Variants in SP140L observed in about 807,000 individuals in gnomAD.
SP140L encodes the protein SP140 like nuclear body protein.
A neutral mutation model predicts 84.3 loss-of-function variants in SP140L; 64 were observed. That is an observed-to-expected ratio of 0.76 (90% CI 0.62 to 0.94). The LOEUF is 0.94. Ranked by LOEUF, SP140L falls within the 40% of genes least tolerant of loss-of-function variation. The pLI, the probability that SP140L is intolerant of heterozygous loss-of-function variation, is 0.00. For missense variants in SP140L, 628 were observed against 692.5 expected, an observed-to-expected ratio of 0.91 and a Z score of 1.05; for synonymous variants, 242 against 236.9, an observed-to-expected ratio of 1.02 and a Z score of -0.20.
At chr2:230,338,080 T>C (rs1462290206) in intron 2 of SP140L, among the ~76,000 whole-genome samples, 1 of 139,200 alleles carries the variant, frequency 7.2e-6, no homozygotes, top group African/African-American at 2.7e-5. Context: ...GTAAATTACC[T>C]TGGGCAGTAT....
intron 7 of SP140L, among the ~76,000 whole-genome samples, chr2:230,375,021 A>T (rs189754228): frequency 6.6e-6 from 1 of 152,188 alleles, no homozygotes; most frequent in Non-Finnish European, 1.5e-5. Context: ...CAAATCTGTC[A>T]GTCTTTTCAT....
At chr2:230,390,762 G>A (rs2061767813) in intron 11 of SP140L, among the ~76,000 whole-genome samples, 1 of 151,918 alleles carries the variant, frequency 6.6e-6, no homozygotes. Flanking sequence ...ACCACTTAGA[G>A]TATACCAATC....
Position 230,368,591 on chromosome 2 carries a change from C to T in SP140L, c.524-2317C>T, listed in dbSNP as rs141478693. On this transcript the variant is annotated intron_variant, in intron 5 of 18. Coordinates refer to ENST00000415673, the MANE Select transcript of SP140L (RefSeq NM_138402.6). ...CCTCTATGAATTTCTGCAACTCAAACATTTGCTCTTTTCACAGTCTCATAA... is the reference window on the plus strand; with the variant it reads ...CCTCTATGAATTTCTGCAACTCAAATATTTGCTCTTTTCACAGTCTCATAA... Among the ~76,000 whole-genome samples, 66 of 152,300 alleles carry T rather than the reference C, an allele frequency of 4.3e-4. No individual in the cohort carries two copies. In the South Asian group the frequency reaches 8.9e-3, roughly 21 times the overall value.
At chr2:230,396,896 G>T (rs188193512) in intron 14 of SP140L, 98 bp downstream of exon 14, 13 of 1,466,556 alleles carry the variant, frequency 8.9e-6, no homozygotes, top group Non-Finnish European at 1.2e-5. Context: ...AGCATGTTCA[G>T]TCTCAGTTGG....
At chr2:230,391,867 G>A in intron 11 of SP140L, 1 of 529,968 alleles carries the variant, frequency 1.9e-6, no homozygotes, top group South Asian at 2.9e-5. Flanking sequence ...CTCTCCTCAT[G>A]GGTGAAGGTC....
At chr2:230,347,024 T>A (rs1354917568) in intron 2 of SP140L, among the ~76,000 whole-genome samples, 1 of 152,218 alleles carries the variant, frequency 6.6e-6, no homozygotes, top group African/African-American at 2.4e-5. Context: ...AGGTTTGCTT[T>A]GGCATGGAAA....
At chr2:230,327,845 C>G (rs953949119) in intron 1 of SP140L, among the ~76,000 whole-genome samples, 2 of 152,144 alleles carry the variant, frequency 1.3e-5, no homozygotes, top group Middle Eastern at 3.2e-3. Flanking sequence ...GGGCTATTTC[C>G]TTGACTGACT....
chr2:230,337,122 T>C (rs2059903662), intron 2 of SP140L, among the ~76,000 whole-genome samples: 1 of 152,150 alleles, frequency 6.6e-6, no homozygotes, highest in Admixed American at 6.5e-5. Context: ...AGTGTAAAAG[T>C]GTTCCTTTTT....
chr2:230,354,894 A>AAAGAAAGAAAGG (rs1221299840), intron 2 of SP140L, among the ~76,000 whole-genome samples: 27 of 148,562 alleles, frequency 1.8e-4, no homozygotes, highest in Non-Finnish European at 2.8e-4. Flanking sequence ...AGAAAGAAAG[A>AAAGAAAGAAAGG]AAGGAAAGAG....
intron 5 of SP140L, among the ~76,000 whole-genome samples, chr2:230,365,883 G>A (rs868271764): frequency 4.0e-5 from 6 of 151,588 alleles, no homozygotes; most frequent in South Asian, 4.2e-4. Context: ...TTATTCATTG[G>A]CCTATTGGCT....
intron 10 of SP140L, 133 bp from the exon 11 acceptor site, chr2:230,389,786 G>T: frequency 2.3e-6 from 2 of 874,920 alleles, no homozygotes; most frequent in East Asian, 2.7e-5. Flanking sequence ...TTGGAAGAAA[G>T]ACTTTGAAAC....
intron 11 of SP140L, chr2:230,391,765 G>T (rs2061816860): frequency 8.3e-6 from 2 of 241,262 alleles, no homozygotes; most frequent in Middle Eastern, 1.5e-3. Flanking sequence ...TCAACAGCAA[G>T]TTGGAGTCCT....
At chr2:230,350,585 C>T (rs1243791906) in intron 2 of SP140L, among the ~76,000 whole-genome samples, 1 of 152,162 alleles carries the variant, frequency 6.6e-6, no homozygotes, top group Non-Finnish European at 1.5e-5. Context: ...ATGGACAAAA[C>T]AGATGCCACT....
intron 11 of SP140L, chr2:230,391,738 G>C (rs545861178): frequency 8.9e-6 from 2 of 224,298 alleles, no homozygotes; most frequent in East Asian, 1.8e-4. Context: ...CTCAGGCCTG[G>C]TCTCTACTCC....
At position 230,357,925 on chromosome 2, in the gene SP140L, G is replaced by A; in HGVS notation, c.228G>A (p.Glu76=). ...NAIKKTFPFL[E]GLRDRELITN... ...TAAAAAAGACATTTCCATTCCTTGAGGGCCTCCGCGATCGGGAACTCATCA... is the reference window on the plus strand; with the variant it reads ...TAAAAAAGACATTTCCATTCCTTGAAGGCCTCCGCGATCGGGAACTCATCA... The change falls in exon 3 of 19, where the codon GAG becomes GAA. Residue 76 remains glutamate (E), a synonymous_variant. Coordinates refer to ENST00000415673, the MANE Select transcript of SP140L (RefSeq NM_138402.6). The A allele has an allele frequency of 1.2e-6, 2 of 1,614,012 alleles. No individual in the cohort carries two copies. Among genetic ancestry groups the A allele is most frequent in the Non-Finnish European group, 1.7e-6 (2 of 1,179,920 alleles).
intron 5 of SP140L, among the ~76,000 whole-genome samples, chr2:230,367,374 C>T (rs561730141): frequency 7.0e-6 from 1 of 142,754 alleles, no homozygotes; most frequent in Admixed American, 7.4e-5. Context: ...CTCACTGTAG[C>T]CTTGATCTCC....
At chr2:230,396,954 G>A (rs544802928) in intron 14 of SP140L, among the ~76,000 whole-genome samples, 156 bp downstream of exon 14, 2 of 152,314 alleles carry the variant, frequency 1.3e-5, no homozygotes, top group Admixed American at 1.3e-4. Context: ...CCAGGTAGAT[G>A]TGCTTGGGCC....
At position 230,327,276 on chromosome 2, in the gene SP140L, G is replaced by A; in HGVS notation, c.7G>A (p.Gly3Ser). 6.2e-7 allele frequency: 1 copy of A among 1,611,730 alleles called. No individual in the cohort carries two copies. The change falls in exon 1 of 19, where the codon GGT becomes AGT. Residue 3 changes from glycine to serine, a missense_variant. By Grantham distance (56) the Gly-to-Ser change is moderately conservative (BLOSUM62 0). Transcript: ENST00000415673. MAGGGSDLSTRGL... is the reference protein window; with the variant it reads MASGGSDLSTRGL... Reference sequence around the variant, plus strand: ...CAGGGCCTAGGGTGGGACGATGGCAGGTGGGGGCAGCGACCTGAGCACCAG... The same window carrying A: ...CAGGGCCTAGGGTGGGACGATGGCAAGTGGGGGCAGCGACCTGAGCACCAG...
At chr2:230,401,313 G>A in intron 16 of SP140L, 53 bp from the exon 17 acceptor site, 1 of 1,610,634 alleles carries the variant, frequency 6.2e-7, no homozygotes. Flanking sequence ...TCTCATGCAT[G>A]TGGGCTCATT....
Sources: gnomAD v4.1 joint callset for allele counts (sites outside exome capture counted in the v4.1 genomes callset) on GRCh38, gnomAD v4.1.1 for gene constraint, MANE v1.5 for transcripts, NCBI Gene and HGNC (gene_info 2026-07-23, HGNC 2026-07-21) for gene names.